The following QPRT variants were observed in gnomAD, a reference collection of about 807,000 sequenced individuals.
QPRT encodes quinolinate phosphoribosyltransferase, also known as nicotinate-nucleotide pyrophosphorylase [carboxylating].
Under a neutral mutation model 19.8 loss-of-function variants are expected in QPRT, and 17 were observed. That is an observed-to-expected ratio of 0.86 (90% CI 0.59 to 1.29). The LOEUF is 1.29. QPRT is among the 50% of genes most tolerant of loss of function. The pLI, the probability that QPRT is intolerant of heterozygous loss-of-function variation, is 0.00. For synonymous variants in QPRT, 178 were observed against 191.0 expected, an observed-to-expected ratio of 0.93 and a Z score of 0.56; for missense variants, 336 against 405.1, an observed-to-expected ratio of 0.83 and a Z score of 1.46.
intron 1 of QPRT, among the ~76,000 whole-genome samples, chr16:29,686,234 T>C (rs1967157332): frequency 6.6e-6 from 1 of 152,178 alleles, no homozygotes; most frequent in Admixed American, 6.6e-5. Flanking sequence ...TCTTTCTCCC[T>C]GTGGCCTCTC....
Position 29,694,937 on chromosome 16 carries a change from G to T in QPRT, c.287G>T (p.Cys96Phe). Residue 96 changes from cysteine to phenylalanine, a missense_variant, in exon 2 of 4, where the codon TGC (cysteine) becomes TTC (phenylalanine). Transcript: ENST00000395384. ...GCCGAGGTCCGGGGCCCTGCCCACT[G>T]CCTGCTGCTGGGGGAACGGGTGGCC... Reference protein sequence around the residue: ...RVAEVRGPAHCLLLGERVALN... With the variant: ...RVAEVRGPAHFLLLGERVALN... The T allele has an allele frequency of 1.2e-6, 2 of 1,612,634 alleles. No individual in the cohort carries two copies. Among genetic ancestry groups the T allele is most frequent in the Non-Finnish European group, 1.7e-6 (2 of 1,179,766 alleles).
At chr16:29,681,725 C>CT (rs78056788) in intron 1 of QPRT, among the ~76,000 whole-genome samples, 145 of 87,028 alleles carry the variant, frequency 1.7e-3, no homozygotes, top group Middle Eastern at 8.2e-3. Flanking sequence ...GATCCAGATT[C>CT]TTTTTTTTTT....
intron 2 of QPRT, 53 bp downstream of exon 2, chr16:29,695,252 C>T: frequency 6.8e-7 from 1 of 1,469,670 alleles, no homozygotes; most frequent in Non-Finnish European, 9.0e-7. Flanking sequence ...CACCCCTCCC[C>T]TCCCCTCCCC....
In QPRT at chr16:29,694,922, G is replaced by A. The variant is rs751200843; in HGVS notation, c.272G>A (p.Arg91Gln). The A allele has an allele frequency of 3.7e-6, 6 of 1,613,264 alleles. No individual in the cohort carries two copies. The highest frequency in any genetic ancestry group is 1.7e-5 in the Admixed American group (1 of 60,012). Residue 91 changes from arginine to glutamine, a missense_variant, in exon 2 of 4, where the codon CGG (arginine) becomes CAG (glutamine). Transcript: ENST00000395384. ...LVPVARVAEV[R>Q]GPAHCLLLGE... ...CCGGTGGCCAGAGTGGCCGAGGTCC[G>A]GGGCCCTGCCCACTGCCTGCTGCTG...
intron 1 of QPRT, among the ~76,000 whole-genome samples, chr16:29,688,506 C>T (rs908535061): frequency 1.3e-5 from 2 of 151,370 alleles, no homozygotes; most frequent in Admixed American, 6.6e-5. Context: ...ATCAAAGTTA[C>T]TTTATTTATT....
chr16:29,687,204 A>T (rs959758526), intron 1 of QPRT, among the ~76,000 whole-genome samples: 1 of 151,282 alleles, frequency 6.6e-6, no homozygotes, highest in African/African-American at 2.4e-5. Flanking sequence ...TTCCCCCATC[A>T]TCACAGTCTA....
At chr16:29,683,197 G>A (rs532346563) in intron 1 of QPRT, among the ~76,000 whole-genome samples, 1 of 151,626 alleles carries the variant, frequency 6.6e-6, no homozygotes, top group East Asian at 1.9e-4. Context: ...GATAAATTTT[G>A]TATTTTTTTA....
intron 1 of QPRT, among the ~76,000 whole-genome samples, chr16:29,691,364 CAAAAAAAAAAAAAAAAA>C (rs537664108): frequency 9.6e-5 from 5 of 51,884 alleles, no homozygotes; most frequent in African/African-American, 5.4e-4. Flanking sequence ...AGCTCTGCAT[CAAAAAAAAAAAAAAAAA>C]AAAAAAAAAA....
Position 29,697,398 on chromosome 16 carries a change from C to G in QPRT, c.881C>G (p.Pro294Arg). Residue 294 changes from proline (P) to arginine (R), a missense_variant, in exon 4 of 4, where the codon CCC becomes CGC. By Grantham distance (103) the Pro-to-Arg change is moderately radical. Transcript: ENST00000395384. This position sits in a 1 kb window ranked among gnomAD's most constrained non-coding sequence, Gnocchi z 4.4. ...KLFAKEVAPVPKIH is the reference protein window; with the variant it reads ...KLFAKEVAPVRKIH ...TTTGCCAAAGAGGTGGCTCCAGTGC[C>G]CAAAATCCACTAGTCCTAAACCGGA... The G allele has an allele frequency of 1.9e-6, 3 of 1,612,338 alleles. No homozygotes were observed. The highest frequency in any genetic ancestry group is 2.5e-6 in the Non-Finnish European group (3 of 1,179,804).
intron 2 of QPRT, 187 bp from the exon 3 acceptor site, chr16:29,696,809 A>T: frequency 4.7e-6 from 3 of 636,066 alleles, no homozygotes; most frequent in Non-Finnish European, 7.6e-6. Context: ...AAACAACCCC[A>T]AAGTCTGGTT....
chr16:29,681,493 C>CTTTTTTTTT lies in QPRT; in HGVS notation c.13+2296_13+2304dup, dbSNP rs10680462. Among the ~76,000 whole-genome samples, 19 of 97,128 alleles carry CTTTTTTTTT rather than the reference C, an allele frequency of 2.0e-4. 2 individuals are homozygous for CTTTTTTTTT. The highest frequency in any genetic ancestry group is 5.0e-4 in the African/African-American group (12 of 23,952). 63.7% of individuals were successfully genotyped at this position (97,128 alleles called of 152,430 possible). ...CCATAATTTTCATCAGATCCAGATT[C>CTTTTTTTTT]TTTTTTTTTTTTTTTTTTTTTGAGA... On this transcript the variant is annotated intron_variant, in intron 1 of 3. Transcript: ENST00000395384.
At chr16:29,692,532 GA>G in intron 1 of QPRT, among the ~76,000 whole-genome samples, 1 of 149,480 alleles carries the variant, frequency 6.7e-6, no homozygotes, top group Middle Eastern at 3.2e-3. Context: ...CGTGAGCCGA[GA>G]TCGCGCCACT....
At chr16:29,680,282 G>A (rs1966960521) in intron 1 of QPRT, among the ~76,000 whole-genome samples, 1 of 152,050 alleles carries the variant, frequency 6.6e-6, no homozygotes, top group African/African-American at 2.4e-5. Flanking sequence ...AACTTATTGG[G>A]CTGCAGCTGG....
intron 1 of QPRT, among the ~76,000 whole-genome samples, chr16:29,685,870 T>A (rs1967146268): frequency 1.5e-5 from 2 of 130,420 alleles, no homozygotes; most frequent in Non-Finnish European, 3.0e-5. Context: ...GAAAAGAAAA[T>A]TTTTTTTGAG....
chr16:29,694,506 C>A (rs1295712748), intron 1 of QPRT, among the ~76,000 whole-genome samples, 158 bp from the exon 2 acceptor site: 5 of 151,718 alleles, frequency 3.3e-5, no homozygotes, highest in Admixed American at 6.6e-5. Flanking sequence ...CCCTTCCCCC[C>A]ACGCCCCCCT....
chr16:29,696,462 G>A (rs1967535769), intron 2 of QPRT: 1 of 150,876 alleles, frequency 6.6e-6, no homozygotes. Flanking sequence ...ACTCCAGCCT[G>A]GGCGACAGAG....
At position 29,694,746 on chromosome 16, in the gene QPRT, C is replaced by A; in HGVS notation, c.96C>A (p.Tyr32Ter). The A allele has an allele frequency of 6.2e-7, 1 of 1,609,866 alleles. No individual in the cohort carries two copies. Among genetic ancestry groups the A allele is most frequent in the Admixed American group, 1.7e-5 (1 of 59,714 alleles). ...WLREDCPGLN[Y>*]AALVSGAGPS... The stretch of plus-strand genomic sequence containing the variant: ...GAGAGGACTGCCCAGGGCTCAACTA[C>A]GCAGCCTTGGTCAGCGGGGCAGGCC... Residue 32 changes from tyrosine (Y) to a stop codon, truncating the protein, a stop_gained, in exon 2 of 4, where the codon TAC becomes TAA. Transcript: ENST00000395384. LOFTEE classifies it high-confidence loss of function.
chr16:29,692,311 T>C (rs868530568), intron 1 of QPRT, among the ~76,000 whole-genome samples: 2 of 152,162 alleles, frequency 1.3e-5, no homozygotes, highest in Non-Finnish European at 2.9e-5. Context: ...CCGGGCGCGG[T>C]GGCTCACGCC....
intron 1 of QPRT, among the ~76,000 whole-genome samples, chr16:29,680,768 C>T (rs1966976544): frequency 6.6e-6 from 1 of 152,038 alleles, no homozygotes; most frequent in South Asian, 2.1e-4. Flanking sequence ...TGGTGAAACC[C>T]CGTCTCTACT....
Sources: gnomAD v4.1 joint callset for allele counts (sites outside exome capture counted in the v4.1 genomes callset) on GRCh38, gnomAD v4.1.1 for gene constraint, Gnocchi (gnomAD v3.1) non-coding constraint, MANE v1.5 for transcripts, NCBI Gene and HGNC (gene_info 2026-07-23, HGNC 2026-07-21) for gene names.